The following METTL8 variants were observed in gnomAD, a reference collection of about 807,000 sequenced individuals.
METTL8 encodes tRNA N(3)-cytidine methyltransferase METTL8, mitochondrial.
METTL8 carries 32 observed loss-of-function variants against 48.7 expected under a neutral mutation model. That is an observed-to-expected ratio of 0.66 (90% CI 0.50 to 0.88). The LOEUF (loss-of-function observed/expected upper bound fraction) is 0.88, where lower values mean the gene tolerates loss of function less well. Ranked by LOEUF, METTL8 falls within the 40% of genes least tolerant of loss-of-function variation. The probability of loss-of-function intolerance (pLI) is 0.00; values close to 1 mark genes in which losing one functional copy is unlikely to be tolerated. For missense variants in METTL8, 464 were observed against 474.4 expected (o/e 0.98, Z 0.20); for synonymous variants, 136 against 157.1 (o/e 0.87, Z 1.01).
In METTL8 at chr2:171,375,329, A is replaced by C. The variant is rs1358452936; in HGVS notation, c.144-14816T>G. On this transcript the variant is annotated intron_variant, in intron 2 of 9. Coordinates refer to ENST00000375258, the MANE Select transcript of METTL8 (RefSeq NM_001321154.2). ...TGTTTATCTTTTAAAGAAACTGCCA[A>C]GTTCCTCGTTAGCATAGTGGTGAGT... 5 of 713,654 alleles carry C rather than the reference A, an allele frequency of 7.0e-6. No homozygotes were observed. In the East Asian group the frequency reaches 1.3e-4, roughly 18 times the overall value. 44.2% of individuals were successfully genotyped at this position (713,654 alleles called of 1,614,324 possible). A position where few individuals can be genotyped will look rare whatever the true frequency, so the allele number is the denominator to read the frequency against.
chr2:171,367,597 A>G (rs1236493907), intron 2 of METTL8, among the ~76,000 whole-genome samples: 1 of 152,232 alleles, frequency 6.6e-6, no homozygotes, highest in Non-Finnish European at 1.5e-5. Context: ...AAAAGAGACC[A>G]GAAGTGGTAA....
chr2:171,320,284 G>A lies in METTL8; in HGVS notation c.*3888C>T, dbSNP rs185009438. 6.6e-6 allele frequency: 1 copy of A among 152,190 alleles called. No individual in the cohort carries two copies. The allele number at this position is 152,190 out of a possible 1,614,324, so 9.4% of individuals were successfully genotyped here. A position where few individuals can be genotyped will look rare whatever the true frequency, so the allele number is the denominator to read the frequency against. ...GCTGCGCAGCCATGTGGAATAGGAAGGCTATGCTGGACAGAGCCCAAAAGA... is the reference window on the plus strand; with the variant it reads ...GCTGCGCAGCCATGTGGAATAGGAAAGCTATGCTGGACAGAGCCCAAAAGA... On this transcript the variant is annotated 3_prime_UTR_variant, in exon 10 of 10. Transcript: ENST00000375258.
intron 3 of METTL8, among the ~76,000 whole-genome samples, chr2:171,352,149 T>C (rs1479066144): frequency 2.6e-5 from 4 of 152,244 alleles, no homozygotes; most frequent in Non-Finnish European, 5.9e-5. Flanking sequence ...ACCTAATTTA[T>C]TGAGAGTTGT....
At chr2:171,357,815 C>T (rs996898096) in intron 3 of METTL8, among the ~76,000 whole-genome samples, 5 of 152,030 alleles carry the variant, frequency 3.3e-5, no homozygotes, top group African/African-American at 9.7e-5. Context: ...TAGCTGCAGC[C>T]CCCTGAGTAG....
At position 171,337,780 on chromosome 2, in the gene METTL8, G is replaced by A. The variant is rs534624635; in HGVS notation, c.607-278C>T. Among the ~76,000 whole-genome samples, 9 of 150,626 alleles carry A rather than the reference G, an allele frequency of 6.0e-5. No homozygotes were observed. In the East Asian group the frequency reaches 1.7e-3, roughly 29 times the overall value. The stretch of plus-strand genomic sequence containing the variant: ...AGAAAACTGCAATGAATATGATAAA[G>A]GGCAAGGCTCATTAGGAAAAAAAAA... On this transcript the variant is annotated intron_variant, in intron 4 of 9. Transcript: ENST00000375258.
chr2:171,362,954 G>A (rs1305167233), intron 2 of METTL8, among the ~76,000 whole-genome samples: 1 of 152,086 alleles, frequency 6.6e-6, no homozygotes, highest in African/African-American at 2.4e-5. Flanking sequence ...GGCTAGGGAT[G>A]AGTTTTTCAT....
Position 171,315,758 on chromosome 2 carries a change from A to C in METTL8, c.*8414T>G, listed in dbSNP as rs1684235763. Among the ~76,000 whole-genome samples, 1 of 152,238 alleles carries C rather than the reference A, an allele frequency of 6.6e-6. No homozygotes were observed. Among genetic ancestry groups the C allele is most frequent in the Non-Finnish European group, 1.5e-5 (1 of 68,034 alleles). On this transcript the variant is annotated 3_prime_UTR_variant, in exon 10 of 10. Transcript: ENST00000375258. ...TTATACTATACAGTTACATAACTAGAATAAAATTTAATGTAAATGTGCCAA... is the reference window on the plus strand; with the variant it reads ...TTATACTATACAGTTACATAACTAGCATAAAATTTAATGTAAATGTGCCAA...
rs71013039 is a variant in METTL8, at chr2:171,397,352, T to TAAAA, written c.-12-5159_-12-5156dup. On this transcript the variant is annotated intron_variant, in intron 1 of 9. Coordinates refer to ENST00000375258, the MANE Select transcript of METTL8 (RefSeq NM_001321154.2). ...AGGCAAAATAGTGAGACCCTGTCTC[T>TAAAA]AAAAAAAAAAAAAAAAAAAAAAAAA... is the stretch of plus-strand genomic sequence containing the variant. Among the ~76,000 whole-genome samples, 76 of 11,700 alleles carry TAAAA rather than the reference T, an allele frequency of 6.5e-3. 7 individuals carry two copies. Among genetic ancestry groups the TAAAA allele is most frequent in the East Asian group, 0.01 (2 of 198 alleles). The allele number at this position is 11,700 out of a possible 152,430, so 7.7% of individuals were successfully genotyped here. A position where few individuals can be genotyped will look rare whatever the true frequency, so the allele number is the denominator to read the frequency against.
chr2:171,405,063 G>A (rs1328833594), intron 1 of METTL8, among the ~76,000 whole-genome samples: 2 of 152,158 alleles, frequency 1.3e-5, no homozygotes, highest in African/African-American at 4.8e-5. Context: ...ATTCAAAACA[G>A]AGTTCATACA....
intron 3 of METTL8, among the ~76,000 whole-genome samples, chr2:171,354,769 C>T (rs1347301617): frequency 2.6e-5 from 4 of 152,204 alleles, no homozygotes; most frequent in African/African-American, 7.2e-5. Context: ...GAAGCTTGTA[C>T]ATGCGTCACA....
rs1456380116 is a variant in METTL8, at chr2:171,320,437, G to A, written c.*3735C>T. 1.3e-5 allele frequency: 2 copies of A among 152,186 alleles called. No homozygotes were observed. The highest frequency in any genetic ancestry group is 6.5e-5 in the Admixed American group (1 of 15,278). 9.4% of individuals were successfully genotyped at this position (152,186 alleles called of 1,614,324 possible). ...ATTTTACTGTGCCAGTCAAGAGGCT[G>A]GCTTGAATCCGCTATTTAGAACTGA... On this transcript the variant is annotated 3_prime_UTR_variant, in exon 10 of 10. Transcript: ENST00000375258.
intron 5 of METTL8, among the ~76,000 whole-genome samples, chr2:171,334,495 G>A (rs1685882549): frequency 6.6e-6 from 1 of 152,098 alleles, no homozygotes; most frequent in Non-Finnish European, 1.5e-5. Flanking sequence ...CTTGGAGAAT[G>A]ATATGACCTC....
chr2:171,409,363 C>G (rs16859377), intron 1 of METTL8, among the ~76,000 whole-genome samples: 4,688 of 152,048 alleles, frequency 0.031, 80 homozygotes, highest in East Asian at 0.051. Context: ...AGGGGCACCT[C>G]TTAAAACTAA....
At chr2:171,386,131 A>G (rs1389159183) in intron 2 of METTL8, among the ~76,000 whole-genome samples, 3 of 152,236 alleles carry the variant, frequency 2.0e-5, no homozygotes, top group Admixed American at 6.5e-5. Flanking sequence ...AACTTAAATC[A>G]GTAGGCAAGA....
rs202238905 is a variant in METTL8, at chr2:171,324,303, G to A, written c.1093C>T (p.Arg365Cys). Reference protein sequence around the residue: ...SLDEKQNLVDRRLQVNRKKQV... With the variant: ...SLDEKQNLVDCRLQVNRKKQV... ...TTTTTCCTATTAACTTGTAAGCGGC[G>A]ATCAACCAGATTTTGCTTTTCATCT... The change falls in exon 10 of 10, where the codon CGC (arginine) becomes TGC (cysteine). Residue 365 changes from arginine (R) to cysteine (C), a missense_variant. Coordinates refer to ENST00000375258, the MANE Select transcript of METTL8 (RefSeq NM_001321154.2). 94 of 1,551,608 alleles carry A rather than the reference G, an allele frequency of 6.1e-5. No individual in the cohort carries two copies. The East Asian group carries it at 8.1e-4, about 13-fold the overall frequency.
intron 3 of METTL8, among the ~76,000 whole-genome samples, chr2:171,341,595 T>C (rs947302153): frequency 6.6e-6 from 1 of 151,306 alleles, no homozygotes; most frequent in African/African-American, 2.4e-5. Context: ...CTACAGGCAG[T>C]AACAATTTCT....
At chr2:171,432,917 A>G (rs930386147) in intron 1 of METTL8, 1 of 152,256 alleles carries the variant, frequency 6.6e-6, no homozygotes, top group Non-Finnish European at 1.5e-5. Context: ...AAACATCACC[A>G]AACTCCTAAA....
intron 3 of METTL8, among the ~76,000 whole-genome samples, chr2:171,353,749 A>G (rs991778144): frequency 6.6e-6 from 1 of 151,828 alleles, no homozygotes; most frequent in Admixed American, 6.6e-5. Context: ...TTGTTGGTTT[A>G]AAGTCTGTTT....
At chr2:171,353,553 A>T (rs1301097372) in intron 3 of METTL8, among the ~76,000 whole-genome samples, 1 of 152,210 alleles carries the variant, frequency 6.6e-6, no homozygotes, top group East Asian at 1.9e-4. Context: ...GATCTGTCTA[A>T]TGTTGACAGT....
Sources: gnomAD v4.1 joint callset for allele counts (sites outside exome capture counted in the v4.1 genomes callset) on GRCh38, gnomAD v4.1.1 for gene constraint, MANE v1.5 for transcripts, NCBI Gene and HGNC (gene_info 2026-07-23, HGNC 2026-07-21) for gene names.